Variants in LRRC75A observed in about 807,000 individuals in gnomAD.
LRRC75A encodes leucine-rich repeat-containing protein 75A.
In LRRC75A, 12 loss-of-function variants were observed where a neutral mutation model predicts 26.0. The observed-to-expected ratio is 0.46, with a 90% CI of 0.30 to 0.75. The LOEUF (loss-of-function observed/expected upper bound fraction) is 0.75. Ranked by LOEUF, LRRC75A falls within the 30% of genes least tolerant of loss-of-function variation. The probability of loss-of-function intolerance (pLI) is 0.08; values close to 1 mark genes in which losing one functional copy is unlikely to be tolerated. For missense variants in LRRC75A, 410 were observed against 486.6 expected (o/e 0.84, Z 1.48); for synonymous variants, 223 against 219.3 (o/e 1.02, Z -0.15).
intron 3 of LRRC75A, among the ~76,000 whole-genome samples, chr17:16,445,805 G>A (rs967860793): frequency 1.3e-5 from 2 of 152,262 alleles, no homozygotes; most frequent in Non-Finnish European, 2.9e-5. Context: ...GGGAAGCAGT[G>A]TGGTGGTGAA....
chr17:16,451,893 C>T (rs1409867130), intron 2 of LRRC75A, among the ~76,000 whole-genome samples: 2 of 149,650 alleles, frequency 1.3e-5, no homozygotes, highest in East Asian at 2.0e-4. Context: ...TACAGGCGCC[C>T]GCCAACATGC....
chr17:16,457,429 TG>T (rs1462560216), intron 2 of LRRC75A, among the ~76,000 whole-genome samples: 1 of 152,180 alleles, frequency 6.6e-6, no homozygotes, highest in Non-Finnish European at 1.5e-5. Context: ...GTTCAGCTAA[TG>T]GGAGCAATGG....
At chr17:16,459,392 G>T (rs2093710067) in intron 2 of LRRC75A, among the ~76,000 whole-genome samples, 1 of 152,204 alleles carries the variant, frequency 6.6e-6, no homozygotes, top group Non-Finnish European at 1.5e-5. Context: ...GAACTCAGGA[G>T]AAGGCAACTC....
intron 1 of LRRC75A, among the ~76,000 whole-genome samples, chr17:16,482,578 G>C (rs2093837053): frequency 6.6e-6 from 1 of 152,202 alleles, no homozygotes; most frequent in South Asian, 2.1e-4. Context: ...ACAGGTCCTG[G>C]GCCTAGCGCC....
Position 16,441,606 on chromosome 17 carries a change from C to G in LRRC75A, c.*1982G>C. On this transcript the variant is annotated 3_prime_UTR_variant, in exon 4 of 4. Transcript: ENST00000470794. Reference sequence around the variant, plus strand: ...TTTTTTTTTTTTTGAGACAGTCTTGCTGTATTGCCCAGGCTGGAGTGTGGT... The same window carrying G: ...TTTTTTTTTTTTTGAGACAGTCTTGGTGTATTGCCCAGGCTGGAGTGTGGT... The G allele has an allele frequency of 2.9e-6, 1 of 347,702 alleles. No individual in the cohort carries two copies. Among genetic ancestry groups the G allele is most frequent in the South Asian group, 2.2e-5 (1 of 46,284 alleles). 21.5% of individuals were successfully genotyped at this position (347,702 alleles called of 1,614,324 possible). A position where few individuals can be genotyped will look rare whatever the true frequency, so the allele number is the denominator to read the frequency against.
intron 2 of LRRC75A, among the ~76,000 whole-genome samples, chr17:16,450,581 C>A (rs2093623357): frequency 6.6e-6 from 1 of 152,234 alleles, no homozygotes; most frequent in Admixed American, 6.5e-5. Flanking sequence ...AGGTGAGCAT[C>A]TGCCTTTACG....
intron 3 of LRRC75A, among the ~76,000 whole-genome samples, chr17:16,445,322 C>T (rs183033899): frequency 1.3e-4 from 20 of 151,982 alleles, no homozygotes; most frequent in East Asian, 1.2e-3. Context: ...TGTGCCCCCA[C>T]GCCTGGCTAA....
chr17:16,480,030 C>G (rs2093829976), intron 1 of LRRC75A, among the ~76,000 whole-genome samples: 1 of 152,130 alleles, frequency 6.6e-6, no homozygotes, highest in Non-Finnish European at 1.5e-5. Context: ...GGAGCACAAA[C>G]CCTATTGTAA....
At chr17:16,480,130 G>A (rs543576729) in intron 1 of LRRC75A, among the ~76,000 whole-genome samples, 4 of 152,340 alleles carry the variant, frequency 2.6e-5, no homozygotes, top group Non-Finnish European at 4.4e-5. Context: ...AGATGGGACC[G>A]TCTAGTTGCA....
intron 1 of LRRC75A, among the ~76,000 whole-genome samples, chr17:16,481,634 G>GGC (rs1310492388): frequency 6.6e-6 from 1 of 151,950 alleles, no homozygotes; most frequent in East Asian, 1.9e-4. Flanking sequence ...ATGATGGCCT[G>GGC]GCAGGAGAAG....
rs995180199 is a variant in LRRC75A at position 16,492,127 on chromosome 17, G to GGGGC, written c.-141_-138dup. 1.4e-4 allele frequency: 105 copies of GGGGC among 731,986 alleles called. No homozygotes were observed. The South Asian group carries it at 3.2e-3, about 22-fold the overall frequency. 45.3% of individuals were successfully genotyped at this position (731,986 alleles called of 1,614,324 possible). On this transcript the variant is annotated 5_prime_UTR_variant, in exon 1 of 4. Transcript: ENST00000470794. Reference sequence around the variant, plus strand: ...GGAACTGTTGCGCGCGGGCGTCGCGGGGGCGGGCGGGCGGGCGGCTGTCGG... The same window carrying GGGGC: ...GGAACTGTTGCGCGCGGGCGTCGCGGGGGCGGGCGGGCGGGCGGGCGGCTGTCGG...
At position 16,447,882 on chromosome 17, in the gene LRRC75A, G is replaced by A. The variant is rs535531962; in HGVS notation, c.454C>T (p.Arg152Trp). ...TTCCTTTTCACCAGCCCCCGGTGCC[G>A]CCTCCACTGGGAGTGGGGGCTGAGG... ...YHLSPHSQWR[R>W]HRGLVKRKPQ... The change falls in exon 3 of 4, where the codon CGG becomes TGG. Residue 152 changes from arginine (R) to tryptophan (W), a missense_variant. Physicochemically the swap from Arg to Trp is moderately radical, Grantham distance 101 (BLOSUM62 -3). Transcript: ENST00000470794. 8.1e-5 allele frequency: 126 copies of A among 1,549,794 alleles called. 1 individual carries two copies. In the South Asian group the frequency reaches 1.1e-3, roughly 14 times the overall value.
intron 1 of LRRC75A, among the ~76,000 whole-genome samples, chr17:16,474,735 C>G (rs1365330766): frequency 1.3e-5 from 2 of 152,088 alleles, no homozygotes; most frequent in East Asian, 3.9e-4. Context: ...TGGCTCACGC[C>G]TGTAATCCTA....
At chr17:16,483,785 T>C (rs73980163) in intron 1 of LRRC75A, among the ~76,000 whole-genome samples, 18,602 of 152,082 alleles carry the variant, frequency 0.12, 1,891 homozygotes, top group African/African-American at 0.28. Context: ...GCTTCTGGGG[T>C]CCTTGCCATC....
Position 16,443,635 on chromosome 17 carries a change from C to T in LRRC75A, c.988G>A (p.Glu330Lys), listed in dbSNP as rs1258704954. 1.5e-5 allele frequency: 23 copies of T among 1,551,046 alleles called. No homozygotes were observed. The highest frequency in any genetic ancestry group is 1.8e-5 in the Non-Finnish European group (21 of 1,146,048). ...GTCTCCTTGCCCTCATGGTGGTCTT[C>T]GGCAGGTGCCACAGGGCCCCCTCCA... ...DPGGGPVAPA[E>K]DHHEGKETVA... Residue 330 changes from glutamate (E) to lysine (K), a missense_variant, in exon 4 of 4, where the codon GAA becomes AAA. Coordinates refer to ENST00000470794, the MANE Select transcript of LRRC75A (RefSeq NM_001113567.3).
In LRRC75A at chr17:16,491,750, G is replaced by T; in HGVS notation, c.241C>A (p.Arg81Ser). 2.9e-6 allele frequency: 4 copies of T among 1,397,070 alleles called. No individual in the cohort carries two copies. Among genetic ancestry groups the T allele is most frequent in the Non-Finnish European group, 3.7e-6 (4 of 1,074,904 alleles). The allele number at this position is 1,397,070 out of a possible 1,614,324, so 86.5% of individuals were successfully genotyped here. A position where few individuals can be genotyped will look rare whatever the true frequency, so the allele number is the denominator to read the frequency against. Residue 81 changes from arginine (R) to serine (S), a missense_variant, in exon 1 of 4, where the codon CGC becomes AGC. Arg to Ser is a moderately radical substitution (Grantham distance 110). Coordinates refer to ENST00000470794, the MANE Select transcript of LRRC75A (RefSeq NM_001113567.3). The surrounding 1 kb of genome is among the most constrained non-coding windows in gnomAD (Gnocchi z 5.9). ...EEAGTLLQHL[R>S]QDLGMESTSL... ...CGCCCCCTCCCCGCGCTCACCTGGC[G>T]CAGGTGCTGCAGCAGCGTCCCCGCC...
intron 1 of LRRC75A, among the ~76,000 whole-genome samples, chr17:16,464,869 C>T (rs1329872469): frequency 6.6e-5 from 10 of 152,326 alleles, no homozygotes; most frequent in Middle Eastern, 6.8e-3. Flanking sequence ...ACAGGAAGGC[C>T]GAAAGTCAAA....
intron 1 of LRRC75A, among the ~76,000 whole-genome samples, chr17:16,471,466 G>A (rs1252608354): frequency 6.6e-6 from 1 of 152,168 alleles, no homozygotes; most frequent in African/African-American, 2.4e-5. Context: ...AGGCAAAAGG[G>A]AGAAGAGATC....
rs76062534 is a variant in LRRC75A at position 16,470,040 on chromosome 17, C to T, written c.247-7654G>A. Among the ~76,000 whole-genome samples the T allele has an allele frequency of 5.9e-5, 9 of 152,256 alleles. No homozygotes were observed. In the East Asian group the frequency reaches 1.7e-3, roughly 30 times the overall value. On this transcript the variant is annotated intron_variant, in intron 1 of 3. Coordinates refer to ENST00000470794, the MANE Select transcript of LRRC75A (RefSeq NM_001113567.3). Reference sequence around the variant, plus strand: ...AAGGCTGCATTGTGTCTTTCTTGGCCCTGCTCCATGTGTCTAGCAGTGAGG... The same window carrying T: ...AAGGCTGCATTGTGTCTTTCTTGGCTCTGCTCCATGTGTCTAGCAGTGAGG...
Sources: allele counts gnomAD v4.1 joint callset (sites outside exome capture counted in the v4.1 genomes callset), GRCh38; gene constraint gnomAD v4.1.1; non-coding constraint Gnocchi (gnomAD v3.1); transcripts MANE v1.5; gene names NCBI Gene and HGNC (gene_info 2026-07-23, HGNC 2026-07-21).